The following ZNF101 variants were observed in gnomAD, a reference collection of about 807,000 sequenced individuals.
ZNF101 encodes the protein zinc finger protein 101, also known as zinc finger protein 101 (Y2).
ZNF101 carries 34 observed loss-of-function variants against 42.6 expected under a neutral mutation model. The ratio of observed to expected loss-of-function variants is 0.80; its 90% CI spans 0.61 to 1.06. The LOEUF is 1.06. ZNF101 is among the 50% of genes least tolerant of loss of function. The pLI, the probability that ZNF101 is intolerant of heterozygous loss-of-function variation, is 0.00. For missense variants in ZNF101, 466 were observed against 530.9 expected (o/e 0.88, Z 1.20); for synonymous variants, 158 against 183.9 (o/e 0.86, Z 1.14).
At position 19,681,669 on chromosome 19, in the gene ZNF101, G is replaced by C. The variant is rs1485341108; in HGVS notation, c.*1369G>C. On this transcript the variant is annotated 3_prime_UTR_variant, in exon 4 of 4. Transcript: ENST00000592502. The stretch of plus-strand genomic sequence containing the variant: ...GGAAGCTGAGGTGGGAGGATTGCTT[G>C]AGTTTGGGAGGTCGAGGTTGCAGTG... The C allele has an allele frequency of 6.6e-6, 1 of 152,074 alleles. No homozygotes were observed. Among genetic ancestry groups the C allele is most frequent in the African/African-American group, 2.4e-5 (1 of 41,408 alleles). 9.4% of individuals were successfully genotyped at this position (152,074 alleles called of 1,614,324 possible).
Position 19,680,339 on chromosome 19 carries a change from G to A in ZNF101, c.*39G>A. 3 of 1,200,110 alleles carry A rather than the reference G, an allele frequency of 2.5e-6. No homozygotes were observed. Among genetic ancestry groups the A allele is most frequent in the Non-Finnish European group, 3.4e-6 (3 of 888,560 alleles). The allele number at this position is 1,200,110 out of a possible 1,614,324, so 74.3% of individuals were successfully genotyped here. ...AACATAAGAAGGCCCCATATCGGCT[G>A]GGTACGGTGGCTCACGCTTGTAATC... On this transcript the variant is annotated 3_prime_UTR_variant, in exon 4 of 4. Coordinates refer to ENST00000592502, the MANE Select transcript of ZNF101 (RefSeq NM_033204.4).
chr19:19,679,818 G>C lies in ZNF101; in HGVS notation c.829G>C (p.Ala277Pro). 1 of 1,613,870 alleles carries C rather than the reference G, an allele frequency of 6.2e-7. No individual in the cohort carries two copies. ...TCGGACACATGAAATCAGATCTCAC[G>C]CGCTGGAGAAATCCCACCAATGTCA... is the stretch of plus-strand genomic sequence containing the variant. ...YLRTHEIRSH[A>P]LEKSHQCQEC... Residue 277 changes from alanine to proline, a missense_variant, in exon 4 of 4, where the codon GCG (alanine) becomes CCG (proline). Transcript: ENST00000592502.
At chr19:19,676,896 A>G (rs572892553) in intron 1 of ZNF101, 3 of 152,262 alleles carry the variant, frequency 2.0e-5, no homozygotes, top group African/African-American at 7.2e-5. Context: ...CGGCCTCCCA[A>G]AGTGCTGGGA....
upstream of ZNF101, among the ~76,000 whole-genome samples, chr19:19,668,564 T>C (rs2062146904): frequency 6.6e-6 from 1 of 152,018 alleles, no homozygotes; most frequent in African/African-American, 2.4e-5. Context: ...AACAGTCTGG[T>C]TGGGTTGACC....
At chr19:19,673,291 C>T (rs1599449401) in intron 1 of ZNF101, among the ~76,000 whole-genome samples, 5 of 147,668 alleles carry the variant, frequency 3.4e-5, no homozygotes, top group East Asian at 2.0e-4. Context: ...GCTCTGTCGC[C>T]GAGGCTGGGG....
chr19:19,673,111 A>AT (rs796328762), intron 1 of ZNF101, among the ~76,000 whole-genome samples: 48 of 146,170 alleles, frequency 3.3e-4, no homozygotes, highest in Admixed American at 1.2e-3. Context: ...CGCCTGGCTA[A>AT]TTTTTTTTTT....
rs919583684 is a variant in ZNF101 at position 19,680,388 on chromosome 19, G to A, written c.*88G>A. 34 of 683,626 alleles carry A rather than the reference G, an allele frequency of 5.0e-5. No homozygotes were observed. Among genetic ancestry groups the A allele is most frequent in the Non-Finnish European group, 6.5e-5 (29 of 445,682 alleles). The allele number at this position is 683,626 out of a possible 1,614,324, so 42.3% of individuals were successfully genotyped here. On this transcript the variant is annotated 3_prime_UTR_variant, in exon 4 of 4. Transcript: ENST00000592502. ...TCCCAGCACTTTGGGAGGCTGAGGCGGGTGGATCACCTGAGGTCAGGAGTT... is the reference window on the plus strand; with the variant it reads ...TCCCAGCACTTTGGGAGGCTGAGGCAGGTGGATCACCTGAGGTCAGGAGTT...
At position 19,671,085 on chromosome 19, in the gene ZNF101, C is replaced by G. The variant is rs188871175; in HGVS notation, c.3+2119C>G. ...TCGCGCCACTGCACTCCAGCCTGCG[C>G]GACAGAGCGAGACTCCATCTCAAAA... On this transcript the variant is annotated intron_variant, in intron 1 of 3. Transcript: ENST00000592502. Among the ~76,000 whole-genome samples, 89 of 152,190 alleles carry G rather than the reference C, an allele frequency of 5.8e-4. 1 individual carries two copies. The highest frequency in any genetic ancestry group is 1.3e-3 in the Admixed American group (20 of 15,278).
Position 19,678,770 on chromosome 19 carries a change from C to T in ZNF101, c.175C>T (p.Leu59=), listed in dbSNP as rs149677520. ...GGACATTGAGAATCTGTACCAAAAC[C>T]TGGGGATTAAGCTAAGGTAATCTCC... ...DQDIENLYQN[L]GIKLRSLVER... Residue 59 remains leucine (L), a synonymous_variant, in exon 3 of 4, where the codon CTG becomes TTG. Transcript: ENST00000592502. The T allele has an allele frequency of 6.2e-7, 1 of 1,611,950 alleles. No homozygotes were observed. Among genetic ancestry groups the T allele is most frequent in the Non-Finnish European group, 8.5e-7 (1 of 1,179,400 alleles).
intron 1 of ZNF101, among the ~76,000 whole-genome samples, chr19:19,669,332 C>T (rs2062154782): frequency 6.6e-6 from 1 of 152,158 alleles, no homozygotes; most frequent in Admixed American, 6.5e-5. Context: ...GTCCCCGTTT[C>T]CTTCGGAGTC....
At chr19:19,674,995 C>T (rs1354231843) in intron 1 of ZNF101, among the ~76,000 whole-genome samples, 2 of 151,232 alleles carry the variant, frequency 1.3e-5, no homozygotes, top group Non-Finnish European at 2.9e-5. Flanking sequence ...TACTTTTTTG[C>T]GTTTTTAGTA....
At chr19:19,668,712 G>C (rs534799665), upstream of ZNF101, 281 of 476,234 alleles carry the variant, frequency 5.9e-4, 4 homozygotes, top group South Asian at 8.7e-3. Flanking sequence ...TGTCGCTCAA[G>C]CCCCAGGGGC....
intron 2 of ZNF101, 112 bp downstream of exon 2, chr19:19,678,102 G>T (rs1398339738): frequency 6.8e-7 from 1 of 1,464,178 alleles, no homozygotes; most frequent in South Asian, 1.2e-5. Flanking sequence ...AATAAATGGG[G>T]CATCGTGGGC....
At chr19:19,669,156 C>T (rs1476500462) in intron 1 of ZNF101, among the ~76,000 whole-genome samples, 190 bp downstream of exon 1, 1 of 152,210 alleles carries the variant, frequency 6.6e-6, no homozygotes, top group Non-Finnish European at 1.5e-5. Context: ...GGTGTCCTGT[C>T]CCGGCCCCGG....
Position 19,680,691 on chromosome 19 carries a change from G to GCACTT in ZNF101, c.*391_*392insCACTT, listed in dbSNP as rs2062235322. Reference sequence around the variant, plus strand: ...AAAACCAGCACTTTGGGAAGCCGAGGTGGGTGGATCACGAGGTCCAGAGAT... The same window carrying GCACTT: ...AAAACCAGCACTTTGGGAAGCCGAGGCACTTTGGGTGGATCACGAGGTCCAGAGAT... On this transcript the variant is annotated 3_prime_UTR_variant, in exon 4 of 4. Coordinates refer to ENST00000592502, the MANE Select transcript of ZNF101 (RefSeq NM_033204.4). 1 of 153,990 alleles carries GCACTT rather than the reference G, an allele frequency of 6.5e-6. No homozygotes were observed. Among genetic ancestry groups the GCACTT allele is most frequent in the Non-Finnish European group, 1.4e-5 (1 of 69,520 alleles). The allele number at this position is 153,990 out of a possible 1,614,324, so 9.5% of individuals were successfully genotyped here. A position where few individuals can be genotyped will look rare whatever the true frequency, so the allele number is the denominator to read the frequency against.
intron 1 of ZNF101, among the ~76,000 whole-genome samples, chr19:19,672,824 G>A (rs185805920): frequency 4.6e-4 from 70 of 152,196 alleles, no homozygotes; most frequent in African/African-American, 1.6e-3. Flanking sequence ...ACTGTGACTG[G>A]CTGGTATTTT....
intron 1 of ZNF101, chr19:19,676,269 C>T (rs932920934): frequency 1.3e-5 from 2 of 151,388 alleles, no homozygotes; most frequent in African/African-American, 4.9e-5. Context: ...TGCCCAGGCC[C>T]ACCATGCCAG....
intron 1 of ZNF101, among the ~76,000 whole-genome samples, chr19:19,675,853 A>G (rs1394594150): frequency 6.6e-6 from 1 of 152,184 alleles, no homozygotes; most frequent in Non-Finnish European, 1.5e-5. Context: ...TACAAAAAAT[A>G]CAAAAATTAG....
intron 1 of ZNF101, among the ~76,000 whole-genome samples, chr19:19,673,732 G>A (rs1344092672): frequency 3.2e-5 from 4 of 123,650 alleles, no homozygotes; most frequent in Admixed American, 3.1e-4. Context: ...TCACTCTGTC[G>A]CCCAGTCTGG....
Sources: allele counts gnomAD v4.1 joint callset (sites outside exome capture counted in the v4.1 genomes callset), GRCh38; gene constraint gnomAD v4.1.1; transcripts MANE v1.5; gene names NCBI Gene and HGNC (gene_info 2026-07-23, HGNC 2026-07-21).